The following FBXL7 variants were observed in gnomAD, a reference collection of about 807,000 sequenced individuals.
FBXL7 encodes the protein F-box and leucine rich repeat protein 7.
Under a neutral mutation model 38.3 loss-of-function variants are expected in FBXL7, and 12 were observed. The ratio of observed to expected loss-of-function variants is 0.31; its 90% CI spans 0.20 to 0.51. The LOEUF is 0.51. Among genes scored for constraint, FBXL7 ranks in the 20% least tolerant of loss-of-function variants. The pLI is 0.98. For missense variants in FBXL7, 567 were observed against 676.4 expected, an observed-to-expected ratio of 0.84 and a Z score of 1.79; for synonymous variants, 297 against 300.9, an observed-to-expected ratio of 0.99 and a Z score of 0.13.
chr5:15,556,047 TATTATCTATC>T (rs1213881855), intron 1 of FBXL7, among the ~76,000 whole-genome samples: 3 of 151,544 alleles, frequency 2.0e-5, no homozygotes, highest in African/African-American at 7.3e-5. Flanking sequence ...ACTTATCATC[TATTATCTATC>T]ATTATCTTCA....
At chr5:15,732,074 G>A (rs1735602793) in intron 2 of FBXL7, among the ~76,000 whole-genome samples, 1 of 152,136 alleles carries the variant, frequency 6.6e-6, no homozygotes, top group African/African-American at 2.4e-5. Flanking sequence ...CCCATGATAT[G>A]TTTGTTTTCC....
At chr5:15,727,380 G>T (rs146597720) in intron 2 of FBXL7, among the ~76,000 whole-genome samples, 1 of 152,242 alleles carries the variant, frequency 6.6e-6, no homozygotes, top group African/African-American at 2.4e-5. Flanking sequence ...CATTTCTTGT[G>T]GAACTGTTCT....
At chr5:15,687,951 G>C (rs901462822) in intron 2 of FBXL7, among the ~76,000 whole-genome samples, 9 of 152,176 alleles carry the variant, frequency 5.9e-5, no homozygotes, top group Non-Finnish European at 5.9e-5. Flanking sequence ...TGGCCATGTT[G>C]CTTGTGATGT....
At chr5:15,881,174 C>A (rs534835090) in intron 2 of FBXL7, among the ~76,000 whole-genome samples, 1 of 152,252 alleles carries the variant, frequency 6.6e-6, no homozygotes, top group South Asian at 2.1e-4. Context: ...TTATCCCTCA[C>A]CACCCCCTAC....
chr5:15,816,267 G>C (rs1296364822), intron 2 of FBXL7, among the ~76,000 whole-genome samples: 1 of 143,226 alleles, frequency 7.0e-6, no homozygotes, highest in African/African-American at 3.0e-5. Context: ...ATATATATGT[G>C]TGTATATATA....
At chr5:15,844,513 G>A (rs1738839178) in intron 2 of FBXL7, among the ~76,000 whole-genome samples, 1 of 152,224 alleles carries the variant, frequency 6.6e-6, no homozygotes, top group Admixed American at 6.5e-5. Context: ...AAAACCAGGT[G>A]GGGTGGCCAG....
At chr5:15,817,515 G>A (rs1397738205) in intron 2 of FBXL7, among the ~76,000 whole-genome samples, 2 of 152,130 alleles carry the variant, frequency 1.3e-5, no homozygotes, top group Non-Finnish European at 2.9e-5. Context: ...ATATGGTTTG[G>A]CTATGTCCCC....
At chr5:15,859,789 C>A (rs1445541778) in intron 2 of FBXL7, among the ~76,000 whole-genome samples, 1 of 152,152 alleles carries the variant, frequency 6.6e-6, no homozygotes, top group East Asian at 1.9e-4. Context: ...CACAGACAAA[C>A]CATGTCACCA....
intron 2 of FBXL7, among the ~76,000 whole-genome samples, chr5:15,763,344 G>A (rs1315793666): frequency 1.3e-5 from 2 of 152,150 alleles, no homozygotes; most frequent in Non-Finnish European, 2.9e-5. Flanking sequence ...TATGGTAGAC[G>A]TGATAAAGTC....
chr5:15,853,262 A>G (rs1277724731), intron 2 of FBXL7, among the ~76,000 whole-genome samples: 1 of 152,110 alleles, frequency 6.6e-6, no homozygotes, highest in African/African-American at 2.4e-5. Flanking sequence ...GGCACACCCC[A>G]GGGCTGATTC....
At chr5:15,724,841 C>T (rs145066090) in intron 2 of FBXL7, among the ~76,000 whole-genome samples, 1 of 152,192 alleles carries the variant, frequency 6.6e-6, no homozygotes, top group East Asian at 1.9e-4. Flanking sequence ...GGTTAGAAAA[C>T]TTTGTTAGAG....
intron 2 of FBXL7, among the ~76,000 whole-genome samples, chr5:15,917,467 G>T (rs2126438271): frequency 6.6e-6 from 1 of 152,192 alleles, no homozygotes; most frequent in African/African-American, 2.4e-5. Context: ...AATGAGCCAG[G>T]CATGGCAGCA....
At chr5:15,935,401 A>G (rs1304460035) in intron 3 of FBXL7, 5 of 370,272 alleles carry the variant, frequency 1.4e-5, no homozygotes, top group Non-Finnish European at 2.7e-5. Context: ...GGCTTTGCAC[A>G]GGGGCAAGCT....
At chr5:15,848,023 C>T (rs1182572546) in intron 2 of FBXL7, among the ~76,000 whole-genome samples, 1 of 152,150 alleles carries the variant, frequency 6.6e-6, no homozygotes, top group African/African-American at 2.4e-5. Context: ...AGTGCCCAAA[C>T]AATACTCCTG....
intron 2 of FBXL7, among the ~76,000 whole-genome samples, chr5:15,900,167 A>G (rs1505031): frequency 0.59 from 89,131 of 151,908 alleles, 26,420 homozygotes; most frequent in Non-Finnish European, 0.64. Flanking sequence ...AGAAATAAAT[A>G]ATTAATAGTA....
chr5:15,919,558 CA>C lies in FBXL7; in HGVS notation c.128-8330del, dbSNP rs1260072593. 2.0e-5 allele frequency among the ~76,000 whole-genome samples: 3 copies of C among 152,130 alleles called. No homozygotes were observed. In the East Asian group the frequency reaches 5.8e-4, roughly 29 times the overall value. ...GTATTTTAAATTATTAATGGAACCA[CA>C]AGTTCTTAAACTTTAAAGAATCCTC... On this transcript the variant is annotated intron_variant, in intron 2 of 3. Transcript: ENST00000504595.
chr5:15,724,821 G>C (rs1025047122), intron 2 of FBXL7, among the ~76,000 whole-genome samples: 14 of 152,104 alleles, frequency 9.2e-5, no homozygotes, highest in African/African-American at 3.4e-4. Context: ...GCTTGGATTC[G>C]TAGAGCAGTG....
At position 15,732,086 on chromosome 5, in the gene FBXL7, TA is replaced by T. The variant is rs201392770; in HGVS notation, c.127+116015del. On this transcript the variant is annotated intron_variant, in intron 2 of 3. Transcript: ENST00000504595. ...TTGCCCATGATATGTTTGTTTTCCA[TA>T]CTTTTATATGTTTTTCCCCAGACAC... Among the ~76,000 whole-genome samples the T allele has an allele frequency of 6.8e-4, 103 of 152,350 alleles. 1 individual carries two copies. In the East Asian group the frequency reaches 0.018, roughly 26 times the overall value.
chr5:15,766,922 C>T (rs534957113), intron 2 of FBXL7, among the ~76,000 whole-genome samples: 54 of 152,322 alleles, frequency 3.5e-4, no homozygotes, highest in African/African-American at 1.3e-3. Context: ...TCTAAGCAGC[C>T]TTGGTTTTCC....
Sources: allele counts gnomAD v4.1 joint callset (sites outside exome capture counted in the v4.1 genomes callset), GRCh38; gene constraint gnomAD v4.1.1; transcripts MANE v1.5; gene names NCBI Gene and HGNC (gene_info 2026-07-23, HGNC 2026-07-21).